Variants in CNTLN observed in about 807,000 individuals in gnomAD.
CNTLN encodes the protein centlein.
Under a neutral mutation model 180.0 loss-of-function variants are expected in CNTLN, and 212 were observed. The ratio of observed to expected loss-of-function variants is 1.18; its 90% CI spans 1.05 to 1.32. CNTLN has a LOEUF of 1.32. Ranked by LOEUF, CNTLN falls within the 40% of genes most tolerant of loss-of-function variation. The pLI is 0.00. For missense variants in CNTLN, 2,095 were observed against 1,610.9 expected (o/e 1.30, Z -5.14); for synonymous variants, 722 against 563.1 (o/e 1.28, Z -3.99).
chr9:17,349,448 C>A (rs1016125985), intron 12 of CNTLN, among the ~76,000 whole-genome samples: 3 of 152,086 alleles, frequency 2.0e-5, no homozygotes, highest in African/African-American at 7.2e-5. Flanking sequence ...TACCTTTCAA[C>A]TGAATTTAAA....
At chr9:17,249,681 A>G (rs534019960) in intron 5 of CNTLN, among the ~76,000 whole-genome samples, 30 of 151,434 alleles carry the variant, frequency 2.0e-4, no homozygotes, top group South Asian at 4.2e-4. Context: ...ATACTTGTGT[A>G]TTTTCCTTTT....
intron 5 of CNTLN, among the ~76,000 whole-genome samples, chr9:17,268,317 C>T (rs556026193): frequency 2.6e-5 from 4 of 152,270 alleles, no homozygotes; most frequent in East Asian, 1.9e-4. Context: ...ACCCTGTTTG[C>T]CTGGGTATCA....
intron 2 of CNTLN, among the ~76,000 whole-genome samples, chr9:17,152,354 G>A (rs1818948152): frequency 6.6e-6 from 1 of 152,130 alleles, no homozygotes; most frequent in East Asian, 1.9e-4. Context: ...ATTCGGGTAT[G>A]TTGTCTCTTT....
rs1158572989 is a variant in CNTLN at position 17,340,956 on chromosome 9, A to C, written c.1766+8A>C. On this transcript the variant is annotated splice_region_variant and intron_variant, in intron 11 of 25. Coordinates refer to ENST00000380647, the MANE Select transcript of CNTLN (RefSeq NM_017738.4). ...GGAAGAAGGCAGTGGCATGTGAGTT[A>C]CATAGCTCATAAAGGCATTTCCCTA... 1 of 1,603,256 alleles carries C rather than the reference A, an allele frequency of 6.2e-7. No homozygotes were observed.
At chr9:17,476,867 C>T (rs1832378118) in intron 23 of CNTLN, among the ~76,000 whole-genome samples, 1 of 152,174 alleles carries the variant, frequency 6.6e-6, no homozygotes, top group African/African-American at 2.4e-5. Context: ...AAAATGACTA[C>T]ATATTTTCTA....
intron 2 of CNTLN, among the ~76,000 whole-genome samples, chr9:17,145,299 T>C (rs910313664): frequency 2.0e-5 from 3 of 152,226 alleles, no homozygotes; most frequent in Non-Finnish European, 4.4e-5. Flanking sequence ...TTTGAGTCTA[T>C]TTTTGAAATT....
rs540882406 is a variant in CNTLN, at chr9:17,259,459, G to A, written c.850-14274G>A. On this transcript the variant is annotated intron_variant, in intron 5 of 25. Transcript: ENST00000380647. ...CTCTTTTTTTGTTGTATCTCTGCCC[G>A]GCTTTGGTATCAGAATGATGCTGGC... 3.4e-5 allele frequency among the ~76,000 whole-genome samples: 5 copies of A among 147,688 alleles called. 1 individual carries two copies. Among genetic ancestry groups the A allele is most frequent in the East Asian group, 2.0e-4 (1 of 4,958 alleles).
At chr9:17,198,900 G>A (rs1476798938) in intron 2 of CNTLN, among the ~76,000 whole-genome samples, 1 of 152,058 alleles carries the variant, frequency 6.6e-6, no homozygotes, top group African/African-American at 2.4e-5. Context: ...TGGTGTATAT[G>A]TGCCACATTT....
rs956101164 is a variant in CNTLN, at chr9:17,503,806, G to C, written c.*1154G>C. On this transcript the variant is annotated 3_prime_UTR_variant, in exon 26 of 26. Transcript: ENST00000380647. ...TTGTATGGCCCACAAGCTAAGAATG[G>C]TTTTTGCCTTATTAAATGGTTTTTA... is the stretch of plus-strand genomic sequence containing the variant. The C allele has an allele frequency of 6.6e-6, 1 of 152,614 alleles. No individual in the cohort carries two copies. Among genetic ancestry groups the C allele is most frequent in the Non-Finnish European group, 1.5e-5 (1 of 68,042 alleles). 9.5% of individuals were successfully genotyped at this position (152,614 alleles called of 1,614,324 possible).
intron 5 of CNTLN, among the ~76,000 whole-genome samples, chr9:17,271,350 C>G (rs1827933716): frequency 6.6e-6 from 1 of 152,120 alleles, no homozygotes; most frequent in Non-Finnish European, 1.5e-5. Context: ...GGCTGGAATT[C>G]TGTGTGAGGG....
At chr9:17,251,388 G>T (rs1576962) in intron 5 of CNTLN, among the ~76,000 whole-genome samples, 1 of 151,416 alleles carries the variant, frequency 6.6e-6, no homozygotes, top group South Asian at 2.1e-4. Context: ...CATAATATGT[G>T]TGTTGGTCTG....
chr9:17,306,146 ATTT>A (rs572150057), intron 7 of CNTLN, among the ~76,000 whole-genome samples: 4,705 of 127,868 alleles, frequency 0.037, 213 homozygotes, highest in African/African-American at 0.12. Context: ...TTAGTCGTCT[ATTT>A]TTTTTTTTTT....
At chr9:17,354,591 G>C (rs1822666956) in intron 12 of CNTLN, among the ~76,000 whole-genome samples, 1 of 152,140 alleles carries the variant, frequency 6.6e-6, no homozygotes, top group Non-Finnish European at 1.5e-5. Context: ...GAGAACCTGT[G>C]TGTGGAAACT....
intron 18 of CNTLN, among the ~76,000 whole-genome samples, chr9:17,436,981 C>G (rs1464408802): frequency 6.6e-6 from 1 of 152,140 alleles, no homozygotes; most frequent in Non-Finnish European, 1.5e-5. Flanking sequence ...TGGCTTTTGC[C>G]AGATGAAGCA....
intron 14 of CNTLN, among the ~76,000 whole-genome samples, chr9:17,389,210 A>G (rs1292890300): frequency 6.6e-6 from 1 of 152,102 alleles, no homozygotes; most frequent in Non-Finnish European, 1.5e-5. Context: ...TTATTACTGA[A>G]TGACACATAT....
intron 2 of CNTLN, among the ~76,000 whole-genome samples, chr9:17,206,837 C>T (rs1353362621): frequency 6.6e-6 from 1 of 152,182 alleles, no homozygotes; most frequent in Non-Finnish European, 1.5e-5. Context: ...CATTGAAAAA[C>T]AATAGACAAT....
intron 18 of CNTLN, among the ~76,000 whole-genome samples, chr9:17,419,339 T>C (rs1025340579): frequency 1.3e-5 from 2 of 152,154 alleles, no homozygotes; most frequent in African/African-American, 4.8e-5. Context: ...AATATATAAA[T>C]AGCCATCAAC....
the CNTLN span, among the ~76,000 whole-genome samples, chr9:17,524,344 C>G: frequency 6.6e-6 from 1 of 152,204 alleles, no homozygotes; most frequent in East Asian, 1.9e-4. Context: ...CAGTTTGAGT[C>G]TAAAGGCAGG....
chr9:17,369,843 C>T (rs1475233387), intron 13 of CNTLN, among the ~76,000 whole-genome samples: 1 of 151,792 alleles, frequency 6.6e-6, no homozygotes, highest in Non-Finnish European at 1.5e-5. Context: ...AAACATTAGC[C>T]AGGCATGGTG....
Sources: gnomAD v4.1 joint callset for allele counts (sites outside exome capture counted in the v4.1 genomes callset) on GRCh38, gnomAD v4.1.1 for gene constraint, MANE v1.5 for transcripts, NCBI Gene and HGNC (gene_info 2026-07-23, HGNC 2026-07-21) for gene names.